The following TIAM1 variants were observed in gnomAD, a reference collection of about 807,000 sequenced individuals.
TIAM1 encodes TIAM Rac1 associated GEF 1.
A neutral mutation model predicts 163.5 loss-of-function variants in TIAM1; 65 were observed. That is an observed-to-expected ratio of 0.40 (90% CI 0.33 to 0.49). TIAM1 has a LOEUF of 0.49. Ranked by LOEUF, TIAM1 falls within the 20% of genes least tolerant of loss-of-function variation. The pLI, the probability that TIAM1 is intolerant of heterozygous loss-of-function variation, is 0.77. For missense variants in TIAM1, 1,789 were observed against 2,044.7 expected, an observed-to-expected ratio of 0.87 and a Z score of 2.41; for synonymous variants, 833 against 810.1, an observed-to-expected ratio of 1.03 and a Z score of -0.48.
intron 2 of TIAM1, among the ~76,000 whole-genome samples, chr21:31,356,065 T>C (rs903144416): frequency 6.6e-6 from 1 of 151,882 alleles, no homozygotes; most frequent in Non-Finnish European, 1.5e-5. Flanking sequence ...TACCCCGAGA[T>C]GATAATTCAA....
At chr21:31,175,606 C>CTT (rs141269267) in intron 15 of TIAM1, among the ~76,000 whole-genome samples, 1 of 150,306 alleles carries the variant, frequency 6.7e-6, no homozygotes, top group South Asian at 2.1e-4. Flanking sequence ...CTTTATAAAA[C>CTT]TTTTTTTTTT....
intron 1 of TIAM1, among the ~76,000 whole-genome samples, chr21:31,478,621 CTTTT>C (rs543430291): frequency 9.2e-5 from 14 of 152,192 alleles, no homozygotes; most frequent in African/African-American, 3.4e-4. Flanking sequence ...TTTTGTTTTT[CTTTT>C]TTTGTCTTTT....
At chr21:31,210,746 GGGAGAAAGAAAGAAAGAAAGAAAGAA>G (rs1569034211) in intron 10 of TIAM1, among the ~76,000 whole-genome samples, 3 of 82,240 alleles carry the variant, frequency 3.6e-5, no homozygotes, top group East Asian at 3.5e-4. Context: ...AAGGAAGGAA[GGGAGAAAGAAAGAAAGAAAGAAAGAA>G]AGAAAGAAAG....
chr21:31,340,324 C>T (rs920176453), intron 1 of TIAM1, among the ~76,000 whole-genome samples: 50 of 151,938 alleles, frequency 3.3e-4, no homozygotes, highest in African/African-American at 1.2e-3. Context: ...ATTCCCTTGT[C>T]GGGGAATATT....
chr21:31,379,799 C>G (rs1313628560), intron 2 of TIAM1, among the ~76,000 whole-genome samples: 1 of 152,142 alleles, frequency 6.6e-6, no homozygotes, highest in Non-Finnish European at 1.5e-5. Context: ...TAATTCCTTT[C>G]ATATAAAATG....
At chr21:31,170,433 G>T (rs1372242510) in intron 15 of TIAM1, among the ~76,000 whole-genome samples, 1 of 152,124 alleles carries the variant, frequency 6.6e-6, no homozygotes, top group African/African-American at 2.4e-5. Context: ...CAATACCAAA[G>T]AATCTGTATG....
In TIAM1 at chr21:31,251,800, G is replaced by A. The variant is rs149260163; in HGVS notation, c.1353C>T (p.Asn451=). Residue 451 remains asparagine (N), a synonymous_variant, in exon 5 of 28, where the codon AAC becomes AAT. Transcript: ENST00000541036. The stretch of plus-strand genomic sequence containing the variant: ...TCCGGGTGGCTGACTCCACCTTCTT[G>A]TTCTTCTTGTGCACCAGGAAGTTCT... The part of the protein sequence containing the change: ...AVKNFLVHKK[N]KKVESATRRK... 4 of 1,611,998 alleles carry A rather than the reference G, an allele frequency of 2.5e-6. No individual in the cohort carries two copies. Among genetic ancestry groups the A allele is most frequent in the Non-Finnish European group, 3.4e-6 (4 of 1,178,580 alleles).
chr21:31,510,746 G>A (rs924278858), intron 1 of TIAM1, among the ~76,000 whole-genome samples: 1 of 151,952 alleles, frequency 6.6e-6, no homozygotes, highest in Admixed American at 6.6e-5. Context: ...CCCAGGAGGC[G>A]GAGGTTGCAG....
At chr21:31,364,871 TA>T (rs1249385578) in intron 2 of TIAM1, among the ~76,000 whole-genome samples, 1 of 152,214 alleles carries the variant, frequency 6.6e-6, no homozygotes, top group African/African-American at 2.4e-5. Context: ...AGTTTTTCTT[TA>T]AAGAATCAGA....
intron 3 of TIAM1, among the ~76,000 whole-genome samples, chr21:31,274,200 G>A (rs1361122591): frequency 6.6e-6 from 1 of 151,494 alleles, no homozygotes; most frequent in Non-Finnish European, 1.5e-5. Flanking sequence ...GGGAAATAGT[G>A]CGAGACTCCT....
At chr21:31,526,628 T>G (rs1569412970) in intron 1 of TIAM1, among the ~76,000 whole-genome samples, 1 of 152,100 alleles carries the variant, frequency 6.6e-6, no homozygotes, top group Non-Finnish European at 1.5e-5. Flanking sequence ...AAGCCTGGGG[T>G]CACATATCTC....
Position 31,519,890 on chromosome 21 carries a change from G to C in TIAM1, c.-422+39037C>G, listed in dbSNP as rs546025036. On this transcript the variant is annotated intron_variant, in intron 1 of 28. Transcript: ENST00000286827. ...AGTAGAATGGCGGTGCCAGGGCCTG[G>C]AGGGAGGGTGGAAATGGGAGTTATT... 5.6e-4 allele frequency among the ~76,000 whole-genome samples: 85 copies of C among 152,240 alleles called. 1 individual carries two copies. Among genetic ancestry groups the C allele is most frequent in the African/African-American group, 2.0e-3 (83 of 41,544 alleles).
chr21:31,160,670 T>G, intron 16 of TIAM1: 1 of 391,160 alleles, frequency 2.6e-6, no homozygotes, highest in Middle Eastern at 6.4e-4. Flanking sequence ...GGACGTCCCA[T>G]GCTGGTTTTC....
chr21:31,222,866 T>C (rs7277346), intron 8 of TIAM1, among the ~76,000 whole-genome samples: 142,240 of 150,700 alleles, frequency 0.94, 67,202 homozygotes, highest in Middle Eastern at 1. Flanking sequence ...TACAGGTGTA[T>C]GTCACCACAC....
chr21:31,409,134 G>A lies in TIAM1; in HGVS notation c.-369+54849C>T, dbSNP rs143696310. Among the ~76,000 whole-genome samples, 816 of 143,620 alleles carry A rather than the reference G, an allele frequency of 5.7e-3. 12 individuals are homozygous for A. Among genetic ancestry groups the A allele is most frequent in the African/African-American group, 0.02 (743 of 37,718 alleles). The allele number at this position is 143,620 out of a possible 152,430, so 94.2% of individuals were successfully genotyped here. ...TTTCTTTTTTTTTTTTTTTTGAGACGAAGTCTCGCACTGTCACCCAGGCTG... is the reference window on the plus strand; with the variant it reads ...TTTCTTTTTTTTTTTTTTTTGAGACAAAGTCTCGCACTGTCACCCAGGCTG... On this transcript the variant is annotated intron_variant, in intron 2 of 28. Coordinates refer to the TIAM1 transcript ENST00000286827.
At chr21:31,541,887 T>A (rs2048333454) in intron 1 of TIAM1, among the ~76,000 whole-genome samples, 1 of 152,258 alleles carries the variant, frequency 6.6e-6, no homozygotes, top group South Asian at 2.1e-4. Flanking sequence ...CAGCACAAAA[T>A]CCCTTTCGAA....
In TIAM1 at chr21:31,464,842, C is replaced by T. The variant is rs1446705011; in HGVS notation, c.-421-807G>A. On this transcript the variant is annotated intron_variant, in intron 1 of 28. Transcript: ENST00000286827. ...TGGGTGATAGAGCAAGCTTCCGTCTCGGGAAAAAAAAAAAAAAAAAAGCCA... is the reference window on the plus strand; with the variant it reads ...TGGGTGATAGAGCAAGCTTCCGTCTTGGGAAAAAAAAAAAAAAAAAAGCCA... Among the ~76,000 whole-genome samples, 431 of 95,478 alleles carry T rather than the reference C, an allele frequency of 4.5e-3. 3 individuals are homozygous for T. The highest frequency in any genetic ancestry group is 0.018 in the African/African-American group (411 of 22,648). 62.6% of individuals were successfully genotyped at this position (95,478 alleles called of 152,430 possible).
chr21:31,272,794 T>A (rs941971955), intron 3 of TIAM1, among the ~76,000 whole-genome samples: 2 of 152,190 alleles, frequency 1.3e-5, no homozygotes, highest in African/African-American at 4.8e-5. Context: ...TCTAACATAA[T>A]TTCAATGAAT....
At chr21:31,417,478 T>C (rs2043411455) in intron 2 of TIAM1, among the ~76,000 whole-genome samples, 1 of 152,110 alleles carries the variant, frequency 6.6e-6, no homozygotes. Context: ...AAATCCCTTA[T>C]AAAAACATCA....
Sources: allele counts gnomAD v4.1 joint callset (sites outside exome capture counted in the v4.1 genomes callset), GRCh38; gene constraint gnomAD v4.1.1; transcripts MANE v1.5; gene names NCBI Gene and HGNC (gene_info 2026-07-23, HGNC 2026-07-21).